SDK2: variants seen among roughly 807,000 people sequenced by gnomAD.
SDK2 encodes sidekick cell adhesion molecule 2.
SDK2 carries 105 observed loss-of-function variants against 253.9 expected under a neutral mutation model. That is an observed-to-expected ratio of 0.41 (90% CI 0.35 to 0.49). The LOEUF (loss-of-function observed/expected upper bound fraction) is 0.49. Ranked by LOEUF, SDK2 falls within the 20% of genes least tolerant of loss-of-function variation. The probability of loss-of-function intolerance (pLI) is 0.06; values close to 1 mark genes in which losing one functional copy is unlikely to be tolerated. For missense variants in SDK2, 2,608 were observed against 3,003.0 expected (o/e 0.87, Z 3.07); for synonymous variants, 1,249 against 1,234.9 (o/e 1.01, Z -0.24).
chr17:73,441,339 G>A (rs796970637), intron 5 of SDK2, among the ~76,000 whole-genome samples: 12 of 152,190 alleles, frequency 7.9e-5, no homozygotes, highest in East Asian at 5.8e-4. Flanking sequence ...CAGAGTCACC[G>A]GCCCCCTCCC....
At chr17:73,376,103 A>G (rs2062778406) in intron 36 of SDK2, among the ~76,000 whole-genome samples, 1 of 151,618 alleles carries the variant, frequency 6.6e-6, no homozygotes, top group Admixed American at 6.6e-5. Context: ...CGGAGGAAGG[A>G]GAATCGCTTG....
rs1187620267 is a variant in SDK2 at position 73,358,192 on chromosome 17, G to T, written c.5480C>A (p.Pro1827Gln). The change falls in exon 40 of 45, where the codon CCG becomes CAG. Residue 1827 changes from proline to glutamine, a missense_variant. Coordinates refer to ENST00000392650, the MANE Select transcript of SDK2 (RefSeq NM_001144952.2). ...TTGPGEGAPGPPGVPIIVRYS... is the reference protein window; with the variant it reads ...TTGPGEGAPGQPGVPIIVRYS... The stretch of plus-strand genomic sequence containing the variant: ...CCGCACGATGATGGGCACGCCAGGC[G>T]GTCCTGGGGCACCTGCAGACAGCAC... The T allele has an allele frequency of 1.2e-6, 2 of 1,604,268 alleles. No individual in the cohort carries two copies. Among genetic ancestry groups the T allele is most frequent in the Non-Finnish European group, 1.7e-6 (2 of 1,177,272 alleles).
rs986728826 is a variant in SDK2 at position 73,470,002 on chromosome 17, A to G, written c.331+2110T>C. 9.3e-3 allele frequency among the ~76,000 whole-genome samples: 1,356 copies of G among 146,566 alleles called. 22 individuals carry two copies. The highest frequency in any genetic ancestry group is 0.033 in the African/African-American group (1,230 of 37,768). On this transcript the variant is annotated intron_variant, in intron 3 of 44. Coordinates refer to ENST00000392650, the MANE Select transcript of SDK2 (RefSeq NM_001144952.2). Reference sequence around the variant, plus strand: ...CGACTGCGCGCGCGCGCACACACACACACACACACACACACACACACACAC... The same window carrying G: ...CGACTGCGCGCGCGCGCACACACACGCACACACACACACACACACACACAC...
At chr17:73,367,533 T>A (rs2062696163) in intron 37 of SDK2, among the ~76,000 whole-genome samples, 1 of 151,318 alleles carries the variant, frequency 6.6e-6, no homozygotes. Context: ...AGAGTCTTAC[T>A]CTGTCACCCA....
chr17:73,502,735 G>A (rs1055949228), intron 2 of SDK2, among the ~76,000 whole-genome samples: 18 of 152,178 alleles, frequency 1.2e-4, no homozygotes, highest in African/African-American at 3.9e-4. Context: ...TAACTGATTC[G>A]GGTAAGACTC....
chr17:73,551,132 T>C (rs1252579079), intron 1 of SDK2, among the ~76,000 whole-genome samples: 3 of 151,956 alleles, frequency 2.0e-5, no homozygotes, highest in Non-Finnish European at 4.4e-5. Context: ...ACACAGTGGG[T>C]CGAGGTGGTA....
intron 15 of SDK2, among the ~76,000 whole-genome samples, chr17:73,421,519 A>G (rs2145584145): frequency 6.7e-6 from 1 of 148,870 alleles, no homozygotes; most frequent in East Asian, 2.0e-4. Context: ...ATAGATGGGT[A>G]TCACCGTGTG....
chr17:73,574,827 T>A (rs1055960802), intron 1 of SDK2, among the ~76,000 whole-genome samples: 11 of 152,200 alleles, frequency 7.2e-5, no homozygotes, highest in African/African-American at 2.7e-4. Flanking sequence ...AGGGTGAGTC[T>A]TGAGTCTTGA....
At chr17:73,386,009 G>T in intron 31 of SDK2, 92 bp from the exon 32 acceptor site, 1 of 920,036 alleles carries the variant, frequency 1.1e-6, no homozygotes, top group Non-Finnish European at 1.7e-6. Flanking sequence ...ATACTGGACT[G>T]CGGGGCAGGT....
Position 73,433,690 on chromosome 17 carries a change from G to A in SDK2, c.1312+42C>T, listed in dbSNP as rs758241886. 4.2e-6 allele frequency: 6 copies of A among 1,445,160 alleles called. No homozygotes were observed. In the South Asian group the frequency reaches 7.3e-5, roughly 18 times the overall value. The allele number at this position is 1,445,160 out of a possible 1,614,324, so 89.5% of individuals were successfully genotyped here. ...AGCCTAGTTCTGAAGACTCTTCTAG[G>A]CTATCACCCAGCCACACTCTCTGAA... is the stretch of plus-strand genomic sequence containing the variant. On this transcript the variant is annotated intron_variant, in intron 10 of 44. Transcript: ENST00000392650.
intron 1 of SDK2, among the ~76,000 whole-genome samples, chr17:73,581,234 A>G (rs1274551948): frequency 6.6e-6 from 1 of 152,106 alleles, no homozygotes; most frequent in Non-Finnish European, 1.5e-5. Context: ...TACCTTTAAC[A>G]GCACTTTTGC....
In SDK2 at chr17:73,474,409, C is replaced by G. The variant is rs2063671734; in HGVS notation, c.225-2191G>C. Reference sequence around the variant, plus strand: ...CCCACAGAGCCTTTCAGACTCCAAGCCTGGCTGTGAAGCTGAGGTCACATC... The same window carrying G: ...CCCACAGAGCCTTTCAGACTCCAAGGCTGGCTGTGAAGCTGAGGTCACATC... On this transcript the variant is annotated intron_variant, in intron 2 of 44. Coordinates refer to ENST00000392650, the MANE Select transcript of SDK2 (RefSeq NM_001144952.2). Among the ~76,000 whole-genome samples the G allele has an allele frequency of 4.6e-5, 7 of 152,344 alleles. No homozygotes were observed. The South Asian group carries it at 1.4e-3, about 32-fold the overall frequency.
chr17:73,432,773 T>C (rs1028723760), intron 10 of SDK2, among the ~76,000 whole-genome samples: 1 of 152,100 alleles, frequency 6.6e-6, no homozygotes, highest in African/African-American at 2.4e-5. Flanking sequence ...TGTACGTGTG[T>C]GTGCACATGT....
rs1025629746 is a variant in SDK2 at position 73,336,276 on chromosome 17, A to G, written c.*2311T>C. 2 of 151,324 alleles carry G rather than the reference A, an allele frequency of 1.3e-5. No individual in the cohort carries two copies. The highest frequency in any genetic ancestry group is 2.9e-5 in the Non-Finnish European group (2 of 67,950). The allele number at this position is 151,324 out of a possible 1,614,324, so 9.4% of individuals were successfully genotyped here. A position where few individuals can be genotyped will look rare whatever the true frequency, so the allele number is the denominator to read the frequency against. On this transcript the variant is annotated 3_prime_UTR_variant, in exon 45 of 45. Coordinates refer to ENST00000392650, the MANE Select transcript of SDK2 (RefSeq NM_001144952.2). ...AGATGTGCTGCCATGGAGATGCCAG[A>G]TGCTGCAGAGGGTGGGGGCGGAGGT...
At chr17:73,602,148 C>A (rs2045851305) in intron 1 of SDK2, among the ~76,000 whole-genome samples, 1 of 152,170 alleles carries the variant, frequency 6.6e-6, no homozygotes, top group South Asian at 2.1e-4. Flanking sequence ...GAAACTGAGG[C>A]CCAGAAGTTG....
In SDK2 at chr17:73,534,146, T is replaced by C. The variant is rs2064194960; in HGVS notation, c.65-26549A>G. On this transcript the variant is annotated intron_variant, in intron 1 of 44. Transcript: ENST00000392650. This position sits in a 1 kb window ranked among gnomAD's most constrained non-coding sequence, Gnocchi z 4.9. ...AGCCCCTAGAAGGCCTGGGGATGTCTGCACTTTTATTCAGCAACCACGGGA... is the reference window on the plus strand; with the variant it reads ...AGCCCCTAGAAGGCCTGGGGATGTCCGCACTTTTATTCAGCAACCACGGGA... Among the ~76,000 whole-genome samples, 1 of 152,172 alleles carries C rather than the reference T, an allele frequency of 6.6e-6. No individual in the cohort carries two copies. The highest frequency in any genetic ancestry group is 2.1e-4 in the South Asian group (1 of 4,818).
chr17:73,347,267 C>T (rs188555055), intron 44 of SDK2, among the ~76,000 whole-genome samples: 33 of 152,158 alleles, frequency 2.2e-4, no homozygotes, highest in Admixed American at 2.0e-4. Context: ...GGCTGAGGCA[C>T]GAGAATCACT....
At chr17:73,590,844 A>G (rs2045671323) in intron 1 of SDK2, among the ~76,000 whole-genome samples, 1 of 152,218 alleles carries the variant, frequency 6.6e-6, no homozygotes, top group African/African-American at 2.4e-5. Context: ...TTTCCTGCCC[A>G]GACTGCCACC....
chr17:73,617,231 C>A (rs763860753), intron 1 of SDK2, among the ~76,000 whole-genome samples: 2 of 127,456 alleles, frequency 1.6e-5, no homozygotes, highest in Non-Finnish European at 3.3e-5. Context: ...AGGGCTCCCG[C>A]AGAGGGGAGG....
Sources: allele counts gnomAD v4.1 joint callset (sites outside exome capture counted in the v4.1 genomes callset), GRCh38; gene constraint gnomAD v4.1.1; non-coding constraint Gnocchi (gnomAD v3.1); transcripts MANE v1.5; gene names NCBI Gene and HGNC (gene_info 2026-07-23, HGNC 2026-07-21).